LINGO2: variants seen among roughly 807,000 people sequenced by gnomAD.
LINGO2 encodes the protein leucine-rich repeat and immunoglobulin-like domain-containing nogo receptor-interacting protein 2.
Under a neutral mutation model 30.6 loss-of-function variants are expected in LINGO2, and 14 were observed. The observed-to-expected ratio is 0.46, with a 90% CI of 0.30 to 0.72. The LOEUF (loss-of-function observed/expected upper bound fraction) is 0.72. Ranked by LOEUF, LINGO2 falls within the 30% of genes least tolerant of loss-of-function variation. The probability of loss-of-function intolerance (pLI) is 0.07; values close to 1 mark genes in which losing one functional copy is unlikely to be tolerated. For synonymous variants in LINGO2, 317 were observed against 288.5 expected (o/e 1.10, Z -1.00); for missense variants, 729 against 751.7 (o/e 0.97, Z 0.35).
chr9:27,993,311 G>A (rs533254586), intron 5 of LINGO2, among the ~76,000 whole-genome samples: 3 of 152,106 alleles, frequency 2.0e-5, no homozygotes, highest in African/African-American at 7.2e-5. Flanking sequence ...GATAATTTCA[G>A]TATTATTGTT....
the LINGO2 span, among the ~76,000 whole-genome samples, chr9:28,778,684 G>A: frequency 6.6e-6 from 1 of 151,968 alleles, no homozygotes. Context: ...AATACCCTAG[G>A]GCCAAGGTTA....
At chr9:29,033,057 A>AT in the LINGO2 span, among the ~76,000 whole-genome samples, 1 of 152,132 alleles carries the variant, frequency 6.6e-6, no homozygotes, top group Non-Finnish European at 1.5e-5. Flanking sequence ...CTTTATTCAC[A>AT]TATCACTCAT....
intron 4 of LINGO2, among the ~76,000 whole-genome samples, chr9:28,057,925 A>G (rs1001649574): frequency 6.6e-6 from 1 of 152,060 alleles, no homozygotes; most frequent in Non-Finnish European, 1.5e-5. Flanking sequence ...TCATTATATC[A>G]TAGCAGATAC....
chr9:28,913,599 A>T, the LINGO2 span, among the ~76,000 whole-genome samples: 2 of 152,136 alleles, frequency 1.3e-5, no homozygotes, highest in Admixed American at 1.3e-4. Flanking sequence ...CCTTTAATCA[A>T]AATAGAGAAA....
At chr9:28,574,360 T>C (rs2135607609) in intron 1 of LINGO2, among the ~76,000 whole-genome samples, 1 of 152,312 alleles carries the variant, frequency 6.6e-6, no homozygotes, top group Middle Eastern at 3.4e-3. Context: ...CCCAAAGTGT[T>C]AGAAACCACT....
chr9:28,527,129 C>T (rs916410596), intron 1 of LINGO2, among the ~76,000 whole-genome samples: 5 of 152,048 alleles, frequency 3.3e-5, no homozygotes, highest in Admixed American at 1.3e-4. Context: ...ATCAAAAGAA[C>T]GTGGAGATTA....
At chr9:28,347,045 T>C (rs7865247) in intron 3 of LINGO2, among the ~76,000 whole-genome samples, 81,125 of 151,958 alleles carry the variant, frequency 0.53, 23,138 homozygotes, top group Non-Finnish European at 0.62. Flanking sequence ...AGATCCCATT[T>C]GTCAATTTTT....
intron 1 of LINGO2, among the ~76,000 whole-genome samples, chr9:28,656,036 A>T (rs1026591165): frequency 3.9e-5 from 6 of 152,138 alleles, no homozygotes; most frequent in African/African-American, 1.4e-4. Flanking sequence ...CAGGTGAATT[A>T]TTTAACATTG....
At chr9:28,782,437 TGGATA>T in the LINGO2 span, among the ~76,000 whole-genome samples, 1 of 152,100 alleles carries the variant, frequency 6.6e-6, no homozygotes, top group Non-Finnish European at 1.5e-5. Flanking sequence ...GTGATGGCAG[TGGATA>T]GTGTAGTCCC....
At chr9:28,810,391 A>C in the LINGO2 span, among the ~76,000 whole-genome samples, 1 of 152,194 alleles carries the variant, frequency 6.6e-6, no homozygotes, top group Non-Finnish European at 1.5e-5. Flanking sequence ...ATTTTCATTC[A>C]ATCATAAAAT....
At chr9:28,860,801 A>C in the LINGO2 span, among the ~76,000 whole-genome samples, 2 of 149,344 alleles carry the variant, frequency 1.3e-5, no homozygotes, top group Non-Finnish European at 3.0e-5. Context: ...CGAAGTCTGT[A>C]TCACTGTCAC....
intron 2 of LINGO2, among the ~76,000 whole-genome samples, chr9:28,377,915 TAC>T (rs1462592061): frequency 6.6e-6 from 1 of 152,166 alleles, no homozygotes. Flanking sequence ...ACACAGAAGT[TAC>T]CTAATTCTAT....
chr9:28,733,446 T>C, the LINGO2 span, among the ~76,000 whole-genome samples: 4 of 152,132 alleles, frequency 2.6e-5, no homozygotes, highest in Non-Finnish European at 5.9e-5. Flanking sequence ...GATGGTGACA[T>C]TAAGTGAACT....
chr9:28,902,002 C>A, the LINGO2 span, among the ~76,000 whole-genome samples: 387 of 152,044 alleles, frequency 2.5e-3, 1 homozygote, highest in African/African-American at 9.0e-3. Flanking sequence ...CCAGCCCCAG[C>A]AATATAGTGA....
At chr9:28,714,188 T>TATATATATATACACAC in the LINGO2 span, among the ~76,000 whole-genome samples, 1 of 73,366 alleles carries the variant, frequency 1.4e-5, no homozygotes, top group Admixed American at 1.6e-4. Context: ...TATATATATA[T>TATATATATATACACAC]ACACACATAC....
the LINGO2 span, among the ~76,000 whole-genome samples, chr9:28,918,683 C>CA: frequency 6.6e-6 from 1 of 152,254 alleles, no homozygotes; most frequent in East Asian, 1.9e-4. Flanking sequence ...CACTTGAAAA[C>CA]ATATATTTCA....
the LINGO2 span, among the ~76,000 whole-genome samples, chr9:28,746,978 A>G: frequency 1.3e-5 from 2 of 152,014 alleles, no homozygotes; most frequent in Non-Finnish European, 2.9e-5. Context: ...CGGACAGGAG[A>G]CAGAAATACT....
the LINGO2 span, among the ~76,000 whole-genome samples, chr9:28,894,644 G>A: frequency 2.6e-5 from 4 of 151,670 alleles, no homozygotes. Context: ...GAATAGAAAT[G>A]TGTCAACTTT....
the LINGO2 span, among the ~76,000 whole-genome samples, chr9:29,066,748 G>A: frequency 6.6e-6 from 1 of 151,830 alleles, no homozygotes; most frequent in Non-Finnish European, 1.5e-5. Context: ...TAATTGTATA[G>A]TACCAATTTA....
Sources: allele counts gnomAD v4.1 joint callset (sites outside exome capture counted in the v4.1 genomes callset), GRCh38; gene constraint gnomAD v4.1.1; transcripts MANE v1.5; gene names NCBI Gene and HGNC (gene_info 2026-07-23, HGNC 2026-07-21).